The following GRIK4 variants were observed in gnomAD, a reference collection of about 807,000 sequenced individuals.
GRIK4 encodes glutamate ionotropic receptor kainate type subunit 4, also known as glutamate receptor ionotropic, kainate 4.
Under a neutral mutation model 104.9 loss-of-function variants are expected in GRIK4, and 40 were observed. The observed-to-expected ratio is 0.38, with a 90% CI of 0.30 to 0.50. GRIK4 has a LOEUF of 0.50. Ranked by LOEUF, GRIK4 falls within the 20% of genes least tolerant of loss-of-function variation. The probability of loss-of-function intolerance (pLI) is 0.93; values close to 1 mark genes in which losing one functional copy is unlikely to be tolerated. For missense variants in GRIK4, 1,047 were observed against 1,308.1 expected (o/e 0.80, Z 3.08); for synonymous variants, 485 against 524.9 (o/e 0.92, Z 1.04).
chr11:120,708,375 T>C (rs1480335726), intron 3 of GRIK4, among the ~76,000 whole-genome samples: 1 of 151,924 alleles, frequency 6.6e-6, no homozygotes, highest in East Asian at 1.9e-4. Flanking sequence ...GAAAAATACA[T>C]CCCCTCCCAC....
At chr11:120,816,534 G>T (rs1451821362) in intron 5 of GRIK4, among the ~76,000 whole-genome samples, 3 of 152,090 alleles carry the variant, frequency 2.0e-5, no homozygotes, top group Admixed American at 1.3e-4. Flanking sequence ...AACACTTGCT[G>T]CAGGAGGGAC....
Position 120,940,316 on chromosome 11 carries a change from C to T in GRIK4, c.1477-31C>T, listed in dbSNP as rs767516714. The T allele has an allele frequency of 7.2e-7, 1 of 1,388,424 alleles. No individual in the cohort carries two copies. The highest frequency in any genetic ancestry group is 1.7e-5 in the Admixed American group (1 of 57,556). 86.0% of individuals were successfully genotyped at this position (1,388,424 alleles called of 1,614,324 possible). A position where few individuals can be genotyped will look rare whatever the true frequency, so the allele number is the denominator to read the frequency against. On this transcript the variant is annotated intron_variant, in intron 13 of 20. Coordinates refer to ENST00000527524, the MANE Select transcript of GRIK4 (RefSeq NM_014619.5). The surrounding 1 kb of genome is among the most constrained non-coding windows in gnomAD (Gnocchi z 4.3). ...TCTGTGCCTCTTCTCCTATGGCCAC[C>T]CCACTGACGGGCTGTCTCTGTTCTT...
chr11:120,897,713 A>AGACAACGT (rs1942625775), intron 11 of GRIK4, among the ~76,000 whole-genome samples: 1 of 151,938 alleles, frequency 6.6e-6, no homozygotes, highest in African/African-American at 2.4e-5. Flanking sequence ...AGAAAACGAA[A>AGACAACGT]GACAACGTGG....
chr11:120,944,415 C>CA (rs572380710), intron 14 of GRIK4, among the ~76,000 whole-genome samples: 53 of 152,222 alleles, frequency 3.5e-4, no homozygotes, highest in African/African-American at 1.2e-3. Flanking sequence ...ACAGGCACCC[C>CA]AAAAACTGTG....
intron 3 of GRIK4, among the ~76,000 whole-genome samples, chr11:120,799,104 T>G (rs1010371006): frequency 3.4e-4 from 52 of 152,176 alleles, no homozygotes; most frequent in African/African-American, 1.2e-3. Flanking sequence ...CATGAACAAC[T>G]ACATCAAAAC....
At chr11:120,827,774 C>T (rs1398141847) in intron 6 of GRIK4, among the ~76,000 whole-genome samples, 3 of 152,190 alleles carry the variant, frequency 2.0e-5, no homozygotes, top group African/African-American at 2.4e-5. Context: ...TTTACTAGTT[C>T]GACTTTCCAT....
rs367957471 is a variant in GRIK4 at position 120,802,771 on chromosome 11, G to A, written c.161G>A (p.Arg54His). The change falls in exon 4 of 21, where the codon CGC (arginine) becomes CAC (histidine). Residue 54 changes from arginine to histidine, a missense_variant. Around this residue, in one of 3 missense-constraint regions of GRIK4, gnomAD observed 447 missense variants for 514.9 expected, o/e 0.87. Coordinates refer to ENST00000527524, the MANE Select transcript of GRIK4 (RefSeq NM_014619.5). ...ACCCTGGCCAAGAACCGCATCAACC[G>A]CGCTCCTGAGAGGCTGGGCAAGGCC... is the stretch of plus-strand genomic sequence containing the variant. ...SITLAKNRIN[R>H]APERLGKAKV... 75 of 1,614,166 alleles carry A rather than the reference G, an allele frequency of 4.6e-5. No individual in the cohort carries two copies. Among genetic ancestry groups the A allele is most frequent in the African/African-American group, 3.5e-4 (26 of 75,060 alleles).
chr11:120,963,894 C>T (rs1944335744), intron 18 of GRIK4, among the ~76,000 whole-genome samples: 1 of 152,010 alleles, frequency 6.6e-6, no homozygotes, highest in Non-Finnish European at 1.5e-5. Context: ...AGGTGCCTTA[C>T]CTCAGTGTCT....
At chr11:120,858,066 A>G (rs1482147535) in intron 8 of GRIK4, among the ~76,000 whole-genome samples, 4 of 152,100 alleles carry the variant, frequency 2.6e-5, no homozygotes, top group Non-Finnish European at 4.4e-5. Flanking sequence ...GACCCTCAGG[A>G]TATCCCTTCC....
intron 9 of GRIK4, chr11:120,872,594 G>A (rs976199463): frequency 2.6e-5 from 4 of 153,384 alleles, no homozygotes; most frequent in Non-Finnish European, 1.5e-5. Flanking sequence ...ATGGAATGTC[G>A]TGTTTCAGTG....
intron 3 of GRIK4, among the ~76,000 whole-genome samples, chr11:120,732,485 T>C (rs1228497958): frequency 6.6e-6 from 1 of 152,222 alleles, no homozygotes; most frequent in Non-Finnish European, 1.5e-5. Context: ...AAATTGTTTT[T>C]ATTTTTTAAT....
Position 120,741,280 on chromosome 11 carries a change from T to C in GRIK4, c.83-61413T>C, listed in dbSNP as rs1258348037. On this transcript the variant is annotated intron_variant, in intron 3 of 20. Coordinates refer to ENST00000527524, the MANE Select transcript of GRIK4 (RefSeq NM_014619.5). ...CAGAACAGGCCGTGTGCTTTCTTTT[T>C]TTTTTTTTTTTTTTTTTTGAGACGG... Among the ~76,000 whole-genome samples the C allele has an allele frequency of 3.6e-5, 5 of 139,680 alleles. No individual in the cohort carries two copies. The South Asian group carries it at 7.7e-4, about 21-fold the overall frequency. 91.6% of individuals were successfully genotyped at this position (139,680 alleles called of 152,430 possible).
intron 1 of GRIK4, among the ~76,000 whole-genome samples, chr11:120,531,249 C>T (rs554249262): frequency 6.6e-6 from 1 of 152,342 alleles, no homozygotes; most frequent in Admixed American, 6.5e-5. Context: ...CCATCAAGGC[C>T]AGAAAGATCA....
At position 120,905,797 on chromosome 11, in the gene GRIK4, GT is replaced by G. The variant is rs2134509733; in HGVS notation, c.1476+306del. Among the ~76,000 whole-genome samples, 1 of 152,168 alleles carries G rather than the reference GT, an allele frequency of 6.6e-6. No homozygotes were observed. Among genetic ancestry groups the G allele is most frequent in the African/African-American group, 2.4e-5 (1 of 41,514 alleles). The stretch of plus-strand genomic sequence containing the variant: ...GTTCCATTTTTGGTGCTTTTTGATT[GT>G]TCTGATTATTTTGTGGCTCATTAGC... On this transcript the variant is annotated intron_variant, in intron 13 of 20. Coordinates refer to ENST00000527524, the MANE Select transcript of GRIK4 (RefSeq NM_014619.5). This position sits in a 1 kb window ranked among gnomAD's most constrained non-coding sequence, Gnocchi z 5.1.
chr11:120,581,976 T>G (rs1269267726), intron 1 of GRIK4, among the ~76,000 whole-genome samples: 1 of 151,864 alleles, frequency 6.6e-6, no homozygotes, highest in Non-Finnish European at 1.5e-5. Context: ...CCGGCTAACT[T>G]TTTAATATTT....
chr11:120,635,421 C>G (rs892123781), intron 1 of GRIK4, among the ~76,000 whole-genome samples: 2 of 152,242 alleles, frequency 1.3e-5, no homozygotes, highest in African/African-American at 4.8e-5. Context: ...TCCTGACATT[C>G]AGGGAGCTCA....
intron 3 of GRIK4, among the ~76,000 whole-genome samples, chr11:120,738,733 C>T (rs781670778): frequency 9.2e-5 from 14 of 152,184 alleles, no homozygotes; most frequent in African/African-American, 1.9e-4. Flanking sequence ...AGATCAAAGC[C>T]GTCAGCTGGG....
chr11:120,883,724 C>T (rs1221232581), intron 11 of GRIK4, among the ~76,000 whole-genome samples: 5 of 152,216 alleles, frequency 3.3e-5, no homozygotes, highest in African/African-American at 4.8e-5. Flanking sequence ...CTTAAATTTT[C>T]AAGCTGGGGG....
intron 4 of GRIK4, among the ~76,000 whole-genome samples, chr11:120,812,890 A>C (rs1300300459): frequency 6.6e-6 from 1 of 152,226 alleles, no homozygotes; most frequent in Non-Finnish European, 1.5e-5. Flanking sequence ...CAGGGGCAAA[A>C]CCTGAATTTG....
Sources: gnomAD v4.1 joint callset for allele counts (sites outside exome capture counted in the v4.1 genomes callset) on GRCh38, gnomAD v4.1.1 for gene constraint, gnomAD v4.1.1 regional missense constraint, Gnocchi (gnomAD v3.1) non-coding constraint, MANE v1.5 for transcripts, NCBI Gene and HGNC (gene_info 2026-07-23, HGNC 2026-07-21) for gene names.